Variants in NYAP2 observed in about 807,000 individuals in gnomAD.
NYAP2 encodes the protein neuronal tyrosine-phosphorylated phosphoinositide-3-kinase adapter 2.
A neutral mutation model predicts 50.4 loss-of-function variants in NYAP2; 23 were observed. The ratio of observed to expected loss-of-function variants is 0.46; its 90% confidence interval spans 0.33 to 0.65. NYAP2 has a LOEUF of 0.65. NYAP2 is among the 30% of genes least tolerant of loss of function. The pLI is 0.02. For missense variants in NYAP2, 885 were observed against 861.0 expected (o/e 1.03, Z -0.35); for synonymous variants, 394 against 365.2 (o/e 1.08, Z -0.90).
At chr2:225,645,287 AGT>A (rs1246815688) in intron 6 of NYAP2, among the ~76,000 whole-genome samples, 1 of 152,054 alleles carries the variant, frequency 6.6e-6, no homozygotes, top group Non-Finnish European at 1.5e-5. Flanking sequence ...TAAATTACAT[AGT>A]CCTACTGGTA....
chr2:225,508,710 C>G (rs966830625), intron 3 of NYAP2, among the ~76,000 whole-genome samples: 13 of 152,162 alleles, frequency 8.5e-5, no homozygotes, highest in Non-Finnish European at 5.9e-5. Context: ...GGAAAGCCAG[C>G]CATAAAGGTT....
the NYAP2 span, among the ~76,000 whole-genome samples, chr2:225,673,462 TAA>T: frequency 0.6 from 91,289 of 151,652 alleles, 29,012 homozygotes; most frequent in South Asian, 0.82. Context: ...TCAATTTATT[TAA>T]AAAAAAATGC....
At chr2:225,670,839 AT>A in the NYAP2 span, among the ~76,000 whole-genome samples, 1 of 152,100 alleles carries the variant, frequency 6.6e-6, no homozygotes, top group East Asian at 1.9e-4. Flanking sequence ...AGTCTCAATA[AT>A]TTTTTGGTTT....
At chr2:225,548,082 CT>C (rs1476605423) in intron 4 of NYAP2, among the ~76,000 whole-genome samples, 1 of 151,846 alleles carries the variant, frequency 6.6e-6, no homozygotes, top group Non-Finnish European at 1.5e-5. Context: ...TTCTTACAAA[CT>C]AATTTTTACC....
chr2:225,469,559 A>T (rs1193170677), intron 3 of NYAP2, among the ~76,000 whole-genome samples: 1 of 152,202 alleles, frequency 6.6e-6, no homozygotes, highest in Non-Finnish European at 1.5e-5. Context: ...TACTATGTTT[A>T]TTGTGGCACT....
At chr2:225,445,277 A>G (rs1234632640) in intron 3 of NYAP2, among the ~76,000 whole-genome samples, 1 of 152,164 alleles carries the variant, frequency 6.6e-6, no homozygotes, top group African/African-American at 2.4e-5. Flanking sequence ...GCTAAAGTAC[A>G]TAAAATTATG....
At chr2:225,527,859 G>A (rs748963245) in intron 4 of NYAP2, among the ~76,000 whole-genome samples, 4 of 152,118 alleles carry the variant, frequency 2.6e-5, no homozygotes, top group Admixed American at 6.6e-5. Context: ...TGTTGCCTGG[G>A]CTCATCTCAA....
chr2:225,649,748 ACT>A (rs1693697612), intron 6 of NYAP2, among the ~76,000 whole-genome samples: 1 of 152,046 alleles, frequency 6.6e-6, no homozygotes, highest in Non-Finnish European at 1.5e-5. Context: ...TTTGGTCACA[ACT>A]CTCTGGCAAG....
At chr2:225,606,409 A>G (rs1223389920) in intron 5 of NYAP2, among the ~76,000 whole-genome samples, 6 of 152,148 alleles carry the variant, frequency 3.9e-5, no homozygotes, top group Non-Finnish European at 8.8e-5. Context: ...GTAATAGCCC[A>G]TGCAACAGGA....
chr2:225,428,522 C>G (rs1695319033), intron 3 of NYAP2, among the ~76,000 whole-genome samples: 2 of 152,216 alleles, frequency 1.3e-5, no homozygotes, highest in South Asian at 4.1e-4. Flanking sequence ...GCCCTCAAGG[C>G]TACTTAAATG....
At chr2:225,481,884 C>T (rs969796451) in intron 3 of NYAP2, among the ~76,000 whole-genome samples, 3 of 151,960 alleles carry the variant, frequency 2.0e-5, no homozygotes, top group South Asian at 2.1e-4. Flanking sequence ...AAACCCAAGG[C>T]CCCTGCAGTT....
chr2:225,489,165 T>A (rs1343347345), intron 3 of NYAP2, among the ~76,000 whole-genome samples: 1 of 152,020 alleles, frequency 6.6e-6, no homozygotes, highest in Non-Finnish European at 1.5e-5. Flanking sequence ...GAGGCTCCCC[T>A]TTTTCCCCTT....
intron 5 of NYAP2, among the ~76,000 whole-genome samples, chr2:225,620,982 T>C (rs1199202375): frequency 1.3e-5 from 2 of 151,574 alleles, no homozygotes; most frequent in Non-Finnish European, 2.9e-5. Context: ...GGCATGGTGG[T>C]GGGCGCCTGT....
intron 4 of NYAP2, among the ~76,000 whole-genome samples, chr2:225,574,281 C>T (rs182905043): frequency 2.0e-5 from 3 of 152,118 alleles, no homozygotes; most frequent in Non-Finnish European, 2.9e-5. Context: ...TGTACAGTCT[C>T]GTTCAAACAG....
At chr2:225,649,195 C>A (rs547660823) in intron 6 of NYAP2, among the ~76,000 whole-genome samples, 1 of 152,134 alleles carries the variant, frequency 6.6e-6, no homozygotes, top group East Asian at 1.9e-4. Context: ...GCATGTAATT[C>A]AGTTTATCTG....
chr2:225,484,936 G>A (rs1429501704), intron 3 of NYAP2, among the ~76,000 whole-genome samples: 3 of 152,242 alleles, frequency 2.0e-5, no homozygotes, highest in Non-Finnish European at 4.4e-5. Flanking sequence ...CCCTAAGGGT[G>A]AGGCCCATCA....
intron 4 of NYAP2, among the ~76,000 whole-genome samples, chr2:225,528,274 A>G (rs1371102615): frequency 1.3e-5 from 2 of 152,324 alleles, no homozygotes; most frequent in East Asian, 1.9e-4. Context: ...CAAAAGGTAA[A>G]CTAAAATTCT....
intron 5 of NYAP2, among the ~76,000 whole-genome samples, chr2:225,603,538 T>C (rs1425362492): frequency 6.6e-6 from 1 of 152,172 alleles, no homozygotes; most frequent in Non-Finnish European, 1.5e-5. Flanking sequence ...CTCGGCTCAC[T>C]GCAATCTCCT....
chr2:225,427,554 C>G (rs748524327), intron 3 of NYAP2, among the ~76,000 whole-genome samples: 1 of 152,178 alleles, frequency 6.6e-6, no homozygotes, highest in Non-Finnish European at 1.5e-5. Context: ...ATTCACCACC[C>G]GTGTGGCTCC....
Sources: gnomAD v4.1 joint callset for allele counts (sites outside exome capture counted in the v4.1 genomes callset) on GRCh38, gnomAD v4.1.1 for gene constraint, MANE v1.5 for transcripts, NCBI Gene and HGNC (gene_info 2026-07-23, HGNC 2026-07-21) for gene names.